STOX1: variants seen among roughly 807,000 people sequenced by gnomAD.
STOX1 encodes storkhead box 1.
STOX1 carries 57 observed loss-of-function variants against 74.8 expected under a neutral mutation model. The ratio of observed to expected loss-of-function variants is 0.76; its 90% CI spans 0.62 to 0.95. The LOEUF is 0.95. Among genes scored for constraint, STOX1 ranks in the 40% least tolerant of loss-of-function variants. The probability of loss-of-function intolerance (pLI) is 0.00; values close to 1 mark genes in which losing one functional copy is unlikely to be tolerated. For missense variants in STOX1, 1,010 were observed against 1,117.0 expected, an observed-to-expected ratio of 0.90 and a Z score of 1.37; for synonymous variants, 375 against 401.3, an observed-to-expected ratio of 0.93 and a Z score of 0.78.
chr10:68,846,004 G>T, intron 1 of STOX1, among the ~76,000 whole-genome samples: 1 of 151,912 alleles, frequency 6.6e-6, no homozygotes, highest in East Asian at 1.9e-4. Flanking sequence ...CTCCCTGAGT[G>T]CTGGGATTAC....
chr10:68,874,333 C>T (rs371695139), intron 1 of STOX1, among the ~76,000 whole-genome samples: 1 of 152,094 alleles, frequency 6.6e-6, no homozygotes, highest in Admixed American at 6.5e-5. Flanking sequence ...GTTCTTTGTT[C>T]TAAATTTCTT....
At chr10:68,857,131 A>G (rs747628570) in intron 1 of STOX1, among the ~76,000 whole-genome samples, 2 of 152,068 alleles carry the variant, frequency 1.3e-5, no homozygotes. Context: ...AGCATTTGTT[A>G]TTTACAGAGT....
At chr10:68,882,177 C>T in intron 2 of STOX1, 67 bp downstream of exon 2, 2 of 1,475,314 alleles carry the variant, frequency 1.4e-6, no homozygotes, top group Non-Finnish European at 1.9e-6. Context: ...TATAATTAGT[C>T]TTAAGCACAT....
At chr10:68,829,078 T>A in intron 1 of STOX1, 1 of 774,912 alleles carries the variant, frequency 1.3e-6, no homozygotes, top group Non-Finnish European at 1.6e-6. Flanking sequence ...TGTTGACAAG[T>A]CACCAGTTGT....
At chr10:68,880,164 C>CTTT (rs71028800) in intron 1 of STOX1, among the ~76,000 whole-genome samples, 40 of 124,428 alleles carry the variant, frequency 3.2e-4, no homozygotes, top group African/African-American at 5.3e-4. Context: ...TCTTTCTTTC[C>CTTT]TTTTTTTTTT....
intron 1 of STOX1, among the ~76,000 whole-genome samples, chr10:68,851,317 GAAAAA>G (rs1018218094): frequency 7.0e-6 from 1 of 143,160 alleles, no homozygotes; most frequent in African/African-American, 2.6e-5. Flanking sequence ...AAAAAAAAAA[GAAAAA>G]AGAGTGGAGA....
chr10:68,892,500 T>C, intron 3 of STOX1, 89 bp from the exon 4 acceptor site: 1 of 1,281,300 alleles, frequency 7.8e-7, no homozygotes, highest in Non-Finnish European at 1.1e-6. Flanking sequence ...AATGTACTAC[T>C]TCAAAGTAGC....
chr10:68,894,073 T>TC (rs1327895403), downstream of STOX1, among the ~76,000 whole-genome samples: 1 of 151,902 alleles, frequency 6.6e-6, no homozygotes, highest in African/African-American at 2.4e-5. Context: ...TTCTTTTTTT[T>TC]TTTTGAGACA....
Position 68,880,598 on chromosome 10 carries a change from C to CT in STOX1, c.311-1350dup, listed in dbSNP as rs911067552. 2.4e-3 allele frequency among the ~76,000 whole-genome samples: 353 copies of CT among 149,212 alleles called. 1 individual carries two copies. Among genetic ancestry groups the CT allele is most frequent in the African/African-American group, 7.9e-3 (322 of 40,682 alleles). ...TGTTGACCACTATTTTTTTGAAGCC[C>CT]TTTTTTTTTTCATACTTTTGGTATG... On this transcript the variant is annotated intron_variant, in intron 1 of 3. Transcript: ENST00000298596.
chr10:68,828,856 C>T (rs1839333710), intron 1 of STOX1: 3 of 466,436 alleles, frequency 6.4e-6, no homozygotes, highest in African/African-American at 4.2e-5. Context: ...CAGGATTCCA[C>T]CTTCCCAGTC....
chr10:68,828,350 C>G, intron 1 of STOX1: 6 of 1,028,674 alleles, frequency 5.8e-6, no homozygotes, highest in Non-Finnish European at 7.2e-6. Context: ...CGAGCGCGGC[C>G]CCGTCTTCTG....
Position 68,885,819 on chromosome 10 carries a change from C to A in STOX1, c.2023C>A (p.Pro675Thr). Residue 675 changes from proline (P) to threonine (T), a missense_variant, in exon 3 of 4, where the codon CCA becomes ACA. Physicochemically the swap from Pro to Thr is conservative, Grantham distance 38. Transcript: ENST00000298596. The stretch of plus-strand genomic sequence containing the variant: ...TCAAAATCTTGGCCTTTTGGATTAC[C>A]CAGTTGGCGTGAACCCTTTAAGACA... ...QFQNLGLLDY[P>T]VGVNPLRQAA... 6.2e-7 allele frequency: 1 copy of A among 1,613,952 alleles called. No individual in the cohort carries two copies. Among genetic ancestry groups the A allele is most frequent in the Non-Finnish European group, 8.5e-7 (1 of 1,180,040 alleles).
At chr10:68,848,719 T>C (rs1453925614) in intron 1 of STOX1, among the ~76,000 whole-genome samples, 4 of 152,118 alleles carry the variant, frequency 2.6e-5, no homozygotes, top group Non-Finnish European at 5.9e-5. Context: ...GGCTGGAGTA[T>C]AGTGGCATGA....
rs753321206 is a variant in STOX1, at chr10:68,884,276, G to A, written c.480G>A (p.Ser160=). The A allele has an allele frequency of 8.4e-5, 136 of 1,613,836 alleles. No homozygotes were observed. Among genetic ancestry groups the A allele is most frequent in the South Asian group, 2.2e-4 (20 of 91,058 alleles). The change falls in exon 3 of 4, where the codon TCG becomes TCA. Residue 160 remains serine, a synonymous_variant. Coordinates refer to ENST00000298596, the MANE Select transcript of STOX1 (RefSeq NM_152709.5). ...CTGTTTTAGGCATTGCAATTCCATC[G>A]GAAGATATTCTTTATACCACTCTGG... ...MKHYPGIAIP[S]EDILYTTLGT...
rs748758026 is a variant in STOX1, at chr10:68,886,192, G to C, written c.2396G>C (p.Cys799Ser). The C allele has an allele frequency of 6.8e-6, 11 of 1,613,984 alleles. No homozygotes were observed. The highest frequency in any genetic ancestry group is 1.6e-4 in the Middle Eastern group (1 of 6,084). The stretch of plus-strand genomic sequence containing the variant: ...TCTCAGGTGCTTAAAAGAAATGAAT[G>C]CTACAAACCCACTGGGCTGCATGCT... The part of the protein sequence containing the change: ...VESQVLKRNE[C>S]YKPTGLHATP... The change falls in exon 3 of 4, where the codon TGC becomes TCC. Residue 799 changes from cysteine to serine, a missense_variant. By Grantham distance (112) the Cys-to-Ser change is moderately radical. Coordinates refer to ENST00000298596, the MANE Select transcript of STOX1 (RefSeq NM_152709.5).
chr10:68,891,933 G>A (rs1225983893), intron 3 of STOX1, among the ~76,000 whole-genome samples: 1 of 151,958 alleles, frequency 6.6e-6, no homozygotes, highest in Non-Finnish European at 1.5e-5. Flanking sequence ...AGATTCTCAT[G>A]CCTCAGTCTC....
At chr10:68,862,546 A>G (rs548222768) in intron 1 of STOX1, among the ~76,000 whole-genome samples, 1 of 152,172 alleles carries the variant, frequency 6.6e-6, no homozygotes, top group Non-Finnish European at 1.5e-5. Context: ...CTTAATCTTG[A>G]TCTTATTAAG....
At chr10:68,855,629 G>A (rs1840104823) in intron 1 of STOX1, among the ~76,000 whole-genome samples, 1 of 151,450 alleles carries the variant, frequency 6.6e-6, no homozygotes, top group African/African-American at 2.4e-5. Flanking sequence ...ATTTTTTGTA[G>A]TGATGGGATC....
chr10:68,833,833 T>C (rs993762295), intron 1 of STOX1, among the ~76,000 whole-genome samples: 1 of 152,240 alleles, frequency 6.6e-6, no homozygotes, highest in African/African-American at 2.4e-5. Context: ...TCTCTTCTCT[T>C]ACTGGCGTGA....
Sources: gnomAD v4.1 joint callset for allele counts (sites outside exome capture counted in the v4.1 genomes callset) on GRCh38, gnomAD v4.1.1 for gene constraint, MANE v1.5 for transcripts, NCBI Gene and HGNC (gene_info 2026-07-23, HGNC 2026-07-21) for gene names.